NEK10: variants seen among roughly 807,000 people sequenced by gnomAD.
The protein encoded by NEK10 is serine/threonine-protein kinase Nek10.
In NEK10, 122 loss-of-function variants were observed where a neutral mutation model predicts 159.8. The observed-to-expected ratio is 0.76, with a 90% CI of 0.66 to 0.89. The LOEUF (loss-of-function observed/expected upper bound fraction) is 0.89, where lower values mean the gene tolerates loss of function less well. Among genes scored for constraint, NEK10 ranks in the 40% least tolerant of loss-of-function variants. The pLI, the probability that NEK10 is intolerant of heterozygous loss-of-function variation, is 0.00. For synonymous variants in NEK10, 466 were observed against 457.1 expected, an observed-to-expected ratio of 1.02 and a Z score of -0.25; for missense variants, 1,342 against 1,323.1, an observed-to-expected ratio of 1.01 and a Z score of -0.22.
chr3:27,316,194 G>T (rs568376543), intron 6 of NEK10, among the ~76,000 whole-genome samples: 1 of 152,270 alleles, frequency 6.6e-6, no homozygotes, highest in African/African-American at 2.4e-5. Flanking sequence ...TTAGCTGTGG[G>T]GACTTCCTTC....
At chr3:27,139,542 A>T (rs1359392518) in intron 31 of NEK10, among the ~76,000 whole-genome samples, 1 of 152,226 alleles carries the variant, frequency 6.6e-6, no homozygotes, top group Non-Finnish European at 1.5e-5. Context: ...ACAGGAGTGG[A>T]TTCTAAGAAG....
chr3:27,352,385 C>A, intron 3 of NEK10, 80 bp downstream of exon 3: 1 of 882,418 alleles, frequency 1.1e-6, no homozygotes. Context: ...ACATATCATT[C>A]ATAGATATGT....
At chr3:27,230,235 A>G (rs1192900132) in intron 23 of NEK10, among the ~76,000 whole-genome samples, 3 of 152,108 alleles carry the variant, frequency 2.0e-5, no homozygotes. Flanking sequence ...TGAACAAATT[A>G]ATTTTCAGCC....
chr3:27,245,366 A>T (rs142199576), intron 23 of NEK10, among the ~76,000 whole-genome samples: 10 of 152,236 alleles, frequency 6.6e-5, no homozygotes, highest in Admixed American at 6.5e-4. Context: ...GCTGGCTCTT[A>T]TGTGCTTTGA....
At chr3:27,223,489 A>T (rs764907623) in intron 23 of NEK10, among the ~76,000 whole-genome samples, 3 of 152,336 alleles carry the variant, frequency 2.0e-5, no homozygotes, top group Non-Finnish European at 4.4e-5. Flanking sequence ...AAATCACCAT[A>T]TAAAAACAAT....
At chr3:27,112,058 T>C (rs1416553740) in intron 35 of NEK10, among the ~76,000 whole-genome samples, 1 of 152,174 alleles carries the variant, frequency 6.6e-6, no homozygotes, top group East Asian at 1.9e-4. Context: ...AAATGAGAAA[T>C]ACCCAACCTT....
chr3:27,349,286 A>G (rs1489161998), intron 3 of NEK10, among the ~76,000 whole-genome samples: 1 of 152,052 alleles, frequency 6.6e-6, no homozygotes. Flanking sequence ...CTTCCTTCAG[A>G]TATTTGATTA....
rs150321346 is a variant in NEK10, at chr3:27,355,877, T to C, written c.-37-2958A>G. Among the ~76,000 whole-genome samples the C allele has an allele frequency of 3.3e-4, 50 of 152,322 alleles. 1 individual carries two copies. The highest frequency in any genetic ancestry group is 2.0e-3 in the Admixed American group (31 of 15,294). ...CATGTTGGCTTTCTAGAGAGAAACA[T>C]GAACCCACGAACATGCCAAATGCTA... On this transcript the variant is annotated intron_variant, in intron 1 of 35. Transcript: ENST00000691995.
intron 1 of NEK10, among the ~76,000 whole-genome samples, chr3:27,360,295 G>A (rs928973923): frequency 4.6e-5 from 7 of 152,204 alleles, no homozygotes; most frequent in African/African-American, 1.4e-4. Context: ...TGAATGAAGA[G>A]AGGTGTAGAG....
intron 23 of NEK10, among the ~76,000 whole-genome samples, chr3:27,218,000 T>C (rs922730887): frequency 4.6e-5 from 7 of 152,194 alleles, no homozygotes; most frequent in Non-Finnish European, 1.0e-4. Context: ...ATCACTACTT[T>C]GATGCTTTGG....
chr3:27,263,228 C>T (rs1034578819), intron 22 of NEK10, among the ~76,000 whole-genome samples: 2 of 152,232 alleles, frequency 1.3e-5, no homozygotes, highest in African/African-American at 4.8e-5. Context: ...TCTGCCCCTA[C>T]TAGGGGGTGC....
intron 30 of NEK10, among the ~76,000 whole-genome samples, chr3:27,152,067 T>C (rs574723063): frequency 3.0e-4 from 45 of 152,144 alleles, no homozygotes; most frequent in African/African-American, 1.0e-3. Flanking sequence ...TTGGAAAACA[T>C]ATTTGGGGGA....
chr3:27,163,172 T>G (rs1007617657), intron 29 of NEK10, among the ~76,000 whole-genome samples: 1 of 152,128 alleles, frequency 6.6e-6, no homozygotes, highest in African/African-American at 2.4e-5. Context: ...AATAATTATC[T>G]TTCCTAAAGT....
Position 27,110,392 on chromosome 3 carries a change from C to A in NEK10, c.*880G>T, listed in dbSNP as rs1167408576. ...TTTCATTTCAAAATCCTAAACAATT[C>A]ATAAACAATTTAGGTAATTGTAATA... On this transcript the variant is annotated 3_prime_UTR_variant, in exon 36 of 36. Coordinates refer to ENST00000691995, the MANE Select transcript of NEK10 (RefSeq NM_001394966.1). 6.6e-6 allele frequency: 1 copy of A among 152,108 alleles called. No homozygotes were observed. Among genetic ancestry groups the A allele is most frequent in the Non-Finnish European group, 1.5e-5 (1 of 68,004 alleles). The allele number at this position is 152,108 out of a possible 1,614,324, so 9.4% of individuals were successfully genotyped here.
intron 22 of NEK10, among the ~76,000 whole-genome samples, chr3:27,274,340 A>T (rs1253876706): frequency 6.6e-6 from 1 of 152,226 alleles, no homozygotes; most frequent in Non-Finnish European, 1.5e-5. Context: ...AGGTAACTCC[A>T]TATCTGTGGT....
At chr3:27,182,082 T>C (rs748507488) in intron 26 of NEK10, among the ~76,000 whole-genome samples, 2 of 152,116 alleles carry the variant, frequency 1.3e-5, no homozygotes, top group African/African-American at 2.4e-5. Context: ...TATCAAAAGA[T>C]ACAGAGTTTC....
At chr3:27,352,395 T>A (rs1396445944) in intron 3 of NEK10, 70 bp downstream of exon 3, 6 of 983,962 alleles carry the variant, frequency 6.1e-6, no homozygotes, top group East Asian at 4.8e-5. Context: ...CATAGATATG[T>A]TAAATGGAGC....
At chr3:27,252,145 C>G (rs574257438) in intron 23 of NEK10, 15 of 429,164 alleles carry the variant, frequency 3.5e-5, no homozygotes, top group Non-Finnish European at 5.7e-5. Flanking sequence ...GACGCAAGTC[C>G]TATGCTTATG....
Position 27,141,575 on chromosome 3 carries a change from T to C in NEK10, c.2877A>G (p.Ala959=). Reference sequence around the variant, plus strand: ...CTTTCCTCTGGGACACAGCAATTCCTGCTGATGCTGTGGGTGATAAATTTT... The same window carrying C: ...CTTTCCTCTGGGACACAGCAATTCCCGCTGATGCTGTGGGTGATAAATTTT... ...GTGSRPRPAS[A]GIAVSQRKVR... The change falls in exon 31 of 36, where the codon GCA becomes GCG. Residue 959 remains alanine, a synonymous_variant. Transcript: ENST00000691995. The C allele has an allele frequency of 6.2e-7, 1 of 1,611,742 alleles. No homozygotes were observed. Among genetic ancestry groups the C allele is most frequent in the South Asian group, 1.1e-5 (1 of 90,842 alleles).
Sources: gnomAD v4.1 joint callset for allele counts (sites outside exome capture counted in the v4.1 genomes callset) on GRCh38, gnomAD v4.1.1 for gene constraint, MANE v1.5 for transcripts, NCBI Gene and HGNC (gene_info 2026-07-23, HGNC 2026-07-21) for gene names.